Variants in SLC16A12 observed in about 807,000 individuals in gnomAD.
The protein encoded by SLC16A12 is monocarboxylate transporter 12.
A neutral mutation model predicts 42.4 loss-of-function variants in SLC16A12; 17 were observed. That is an observed-to-expected ratio of 0.40 (90% CI 0.27 to 0.60). The LOEUF (loss-of-function observed/expected upper bound fraction) is 0.60. SLC16A12 is among the 20% of genes least tolerant of loss of function. The probability of loss-of-function intolerance (pLI) is 0.42; values close to 1 mark genes in which losing one functional copy is unlikely to be tolerated. For synonymous variants in SLC16A12, 224 were observed against 229.4 expected (o/e 0.98, Z 0.21); for missense variants, 544 against 623.0 (o/e 0.87, Z 1.35).
rs539162216 is a variant in SLC16A12, at chr10:89,440,002, G to T, written c.449-819C>A. Among the ~76,000 whole-genome samples the T allele has an allele frequency of 1.6e-4, 22 of 138,908 alleles. No homozygotes were observed. In the South Asian group the frequency reaches 5.1e-3, roughly 32 times the overall value. 91.1% of individuals were successfully genotyped at this position (138,908 alleles called of 152,430 possible). ...AAGGGGGAGGATGGCTTGAGCCCAG[G>T]AGACAGAGGTTGCAGCTGAGATTGC... On this transcript the variant is annotated intron_variant, in intron 5 of 7. Coordinates refer to ENST00000371790, the MANE Select transcript of SLC16A12 (RefSeq NM_213606.4).
intron 2 of SLC16A12, among the ~76,000 whole-genome samples, chr10:89,483,688 G>A (rs1842702146): frequency 6.9e-6 from 1 of 144,034 alleles, no homozygotes; most frequent in Admixed American, 7.0e-5. Context: ...AATCGTGCCT[G>A]TGAACAGCCA....
chr10:89,492,973 G>A (rs1234745971), intron 2 of SLC16A12, among the ~76,000 whole-genome samples: 1 of 152,078 alleles, frequency 6.6e-6, no homozygotes, highest in Non-Finnish European at 1.5e-5. Context: ...AGACCCATAA[G>A]AGTCACCAAA....
chr10:89,498,193 C>T (rs546622973), intron 2 of SLC16A12, among the ~76,000 whole-genome samples: 97 of 152,038 alleles, frequency 6.4e-4, no homozygotes, highest in African/African-American at 2.2e-3. Context: ...GTCCCAGCTA[C>T]TCGGAGGTGG....
intron 2 of SLC16A12, among the ~76,000 whole-genome samples, chr10:89,520,205 A>C (rs1454433459): frequency 1.3e-5 from 2 of 152,144 alleles, no homozygotes; most frequent in East Asian, 1.9e-4. Context: ...TCCACAAAAC[A>C]ATCAGGCTAT....
chr10:89,535,076 G>A (rs72816756), intron 1 of SLC16A12, among the ~76,000 whole-genome samples: 5,427 of 152,116 alleles, frequency 0.036, 150 homozygotes, highest in Non-Finnish European at 0.06. Context: ...TGTCTGAGGT[G>A]GGGGACGGGG....
At chr10:89,509,474 C>G (rs1049354842) in intron 2 of SLC16A12, among the ~76,000 whole-genome samples, 3 of 152,148 alleles carry the variant, frequency 2.0e-5, no homozygotes, top group Non-Finnish European at 4.4e-5. Context: ...ATCACATAAA[C>G]AGAACCAACA....
At chr10:89,474,677 C>A (rs1842549792) in intron 2 of SLC16A12, among the ~76,000 whole-genome samples, 2 of 152,178 alleles carry the variant, frequency 1.3e-5, no homozygotes, top group Admixed American at 1.3e-4. Flanking sequence ...GCACTCAGAG[C>A]TCAAGTGTCT....
intron 2 of SLC16A12, among the ~76,000 whole-genome samples, chr10:89,545,858 T>A (rs1021233242): frequency 3.3e-5 from 5 of 152,078 alleles, no homozygotes; most frequent in African/African-American, 1.2e-4. Context: ...AACAGACATA[T>A]AGACCAATGG....
At chr10:89,492,521 C>T (rs1348450021) in intron 2 of SLC16A12, among the ~76,000 whole-genome samples, 1 of 151,952 alleles carries the variant, frequency 6.6e-6, no homozygotes, top group East Asian at 1.9e-4. Flanking sequence ...CCTGAGGCAC[C>T]TGAGGTCAGG....
At chr10:89,505,358 T>G (rs1048693651) in intron 2 of SLC16A12, among the ~76,000 whole-genome samples, 4 of 151,714 alleles carry the variant, frequency 2.6e-5, no homozygotes, top group African/African-American at 9.7e-5. Context: ...GAGGTTGCAG[T>G]GAGCCGAGAT....
chr10:89,488,636 A>G (rs1842800242), intron 2 of SLC16A12, among the ~76,000 whole-genome samples: 1 of 152,242 alleles, frequency 6.6e-6, no homozygotes, highest in Non-Finnish European at 1.5e-5. Context: ...AGCAACGACT[A>G]ACTGACAATA....
At chr10:89,554,619 CTCTT>C (rs1449402932) in intron 2 of SLC16A12, among the ~76,000 whole-genome samples, 5 of 152,230 alleles carry the variant, frequency 3.3e-5, no homozygotes, top group Non-Finnish European at 7.4e-5. Flanking sequence ...CCCAGAGCTG[CTCTT>C]TCTGTTTGTT....
intron 2 of SLC16A12, among the ~76,000 whole-genome samples, chr10:89,476,194 G>A (rs921862603): frequency 6.6e-6 from 1 of 152,120 alleles, no homozygotes; most frequent in Admixed American, 6.5e-5. Context: ...TATATCGGAG[G>A]CATCTTGGCT....
At chr10:89,446,912 G>T (rs1366993619) in intron 3 of SLC16A12, among the ~76,000 whole-genome samples, 1 of 151,914 alleles carries the variant, frequency 6.6e-6, no homozygotes, top group East Asian at 1.9e-4. Context: ...GATGGAGGAA[G>T]ATCTACCAAG....
chr10:89,497,456 G>T (rs1842936317), intron 2 of SLC16A12, among the ~76,000 whole-genome samples: 1 of 152,072 alleles, frequency 6.6e-6, no homozygotes, highest in Admixed American at 6.6e-5. Context: ...CAAATTGCTG[G>T]GAACTCAAAG....
intron 2 of SLC16A12, among the ~76,000 whole-genome samples, chr10:89,502,514 T>C (rs575005907): frequency 2.0e-5 from 3 of 152,168 alleles, no homozygotes; most frequent in African/African-American, 4.8e-5. Context: ...GAGAACTAGA[T>C]CTTGCATGCA....
At chr10:89,441,063 C>A (rs750622369) in intron 5 of SLC16A12, 45 bp downstream of exon 5, 20 of 1,610,744 alleles carry the variant, frequency 1.2e-5, no homozygotes, top group Non-Finnish European at 1.7e-5. Context: ...GCTTGGAAAC[C>A]CCTGAATGGA....
intron 2 of SLC16A12, among the ~76,000 whole-genome samples, chr10:89,483,724 T>A (rs1305556201): frequency 1.6e-5 from 2 of 124,998 alleles, no homozygotes; most frequent in South Asian, 2.4e-4. Flanking sequence ...GGCAACATAG[T>A]GAGACGCTGC....
intron 2 of SLC16A12, among the ~76,000 whole-genome samples, chr10:89,488,377 T>C (rs1202472798): frequency 6.6e-6 from 1 of 152,138 alleles, no homozygotes; most frequent in Admixed American, 6.5e-5. Flanking sequence ...ATTATGGTCA[T>C]TTGGAAGAGG....
Sources: gnomAD v4.1 joint callset for allele counts (sites outside exome capture counted in the v4.1 genomes callset) on GRCh38, gnomAD v4.1.1 for gene constraint, MANE v1.5 for transcripts, NCBI Gene and HGNC (gene_info 2026-07-23, HGNC 2026-07-21) for gene names.